Variants in PDE12 observed in about 807,000 individuals in gnomAD.
PDE12 encodes the protein phosphodiesterase 12.
Under a neutral mutation model 45.4 loss-of-function variants are expected in PDE12, and 26 were observed. That is an observed-to-expected ratio of 0.57 (90% CI 0.42 to 0.79). PDE12 has a LOEUF of 0.79. Ranked by LOEUF, PDE12 falls within the 30% of genes least tolerant of loss-of-function variation. The pLI, the probability that PDE12 is intolerant of heterozygous loss-of-function variation, is 0.00. For missense variants in PDE12, 668 were observed against 790.0 expected, an observed-to-expected ratio of 0.85 and a Z score of 1.85; for synonymous variants, 283 against 323.9, an observed-to-expected ratio of 0.87 and a Z score of 1.36.
chr3:57,568,925 C>G (rs1341298716), downstream of PDE12, among the ~76,000 whole-genome samples: 1 of 151,274 alleles, frequency 6.6e-6, no homozygotes, highest in Non-Finnish European at 1.5e-5. Flanking sequence ...CTATCCTCAA[C>G]TCTGATGCTG....
the PDE12 span, among the ~76,000 whole-genome samples, chr3:57,609,940 A>AT: frequency 4.1e-3 from 630 of 152,310 alleles, 5 homozygotes; most frequent in African/African-American, 0.015. Context: ...AAAAAAGAGA[A>AT]TTTTAGACCA....
chr3:57,609,115 C>A, the PDE12 span, among the ~76,000 whole-genome samples: 1 of 152,144 alleles, frequency 6.6e-6, no homozygotes, highest in African/African-American at 2.4e-5. Flanking sequence ...GGAAACTGAA[C>A]AACCTGCTCC....
chr3:57,621,576 A>G, the PDE12 span, among the ~76,000 whole-genome samples: 7 of 152,044 alleles, frequency 4.6e-5, no homozygotes, highest in Non-Finnish European at 1.0e-4. Context: ...AGGTTGAGGC[A>G]GGAGAATTGC....
the PDE12 span, among the ~76,000 whole-genome samples, chr3:57,590,930 T>G: frequency 2.0e-5 from 3 of 152,220 alleles, no homozygotes; most frequent in Non-Finnish European, 4.4e-5. Flanking sequence ...AATTTAAAAT[T>G]GAATATTTAC....
chr3:57,581,237 G>A, the PDE12 span, among the ~76,000 whole-genome samples: 15 of 152,300 alleles, frequency 9.8e-5, no homozygotes, highest in South Asian at 2.9e-3. Context: ...GATCAGTAAT[G>A]CTGGGAATGC....
the PDE12 span, among the ~76,000 whole-genome samples, chr3:57,619,267 G>A: frequency 6.6e-6 from 1 of 152,020 alleles, no homozygotes; most frequent in African/African-American, 2.4e-5. Flanking sequence ...AGAATGGTGT[G>A]AACCCAGGAG....
At chr3:57,574,911 C>A in the PDE12 span, among the ~76,000 whole-genome samples, 1 of 150,616 alleles carries the variant, frequency 6.6e-6, no homozygotes, top group East Asian at 2.0e-4. Flanking sequence ...TGCAGTGGCG[C>A]GATCGCGACT....
chr3:57,559,182 C>T (rs1466384102), intron 1 of PDE12, 128 bp from the exon 2 acceptor site: 12 of 704,754 alleles, frequency 1.7e-5, no homozygotes, highest in East Asian at 1.3e-4. Flanking sequence ...GATCGCGCTA[C>T]TGCACTCCAG....
chr3:57,570,216 AGT>A (rs1491452822), downstream of PDE12, among the ~76,000 whole-genome samples: 1 of 90,200 alleles, frequency 1.1e-5, no homozygotes, highest in African/African-American at 4.4e-5. Flanking sequence ...TGGTTAATCC[AGT>A]GTTTTTTTTT....
the PDE12 span, chr3:57,597,891 A>G: frequency 6.6e-6 from 1 of 152,286 alleles, no homozygotes; most frequent in African/African-American, 2.4e-5. Flanking sequence ...TGCGGAGAAA[A>G]GTGGTTAAAA....
the PDE12 span, among the ~76,000 whole-genome samples, chr3:57,578,973 TATAAC>T: frequency 6.6e-6 from 1 of 152,112 alleles, no homozygotes; most frequent in Non-Finnish European, 1.5e-5. Flanking sequence ...TCATGTCACT[TATAAC>T]AGATTGTCTT....
At chr3:57,639,345 C>T in the PDE12 span, among the ~76,000 whole-genome samples, 1 of 152,182 alleles carries the variant, frequency 6.6e-6, no homozygotes, top group Non-Finnish European at 1.5e-5. Context: ...CTTTGGCAAA[C>T]AGTTTGGTGA....
In PDE12 at chr3:57,563,023, T is replaced by C. The variant is rs2069742999; in HGVS notation, c.*3019T>C. 1 of 152,186 alleles carries C rather than the reference T, an allele frequency of 6.6e-6. No homozygotes were observed. Among genetic ancestry groups the C allele is most frequent in the South Asian group, 2.1e-4 (1 of 4,832 alleles). 9.4% of individuals were successfully genotyped at this position (152,186 alleles called of 1,614,324 possible). A position where few individuals can be genotyped will look rare whatever the true frequency, so the allele number is the denominator to read the frequency against. On this transcript the variant is annotated 3_prime_UTR_variant, in exon 3 of 3. Transcript: ENST00000311180. The stretch of plus-strand genomic sequence containing the variant: ...GTTCTTACGATGGAAATTGACATCT[T>C]TTGTATCTCATTCTCCAGCCGTGAA...
At chr3:57,621,186 T>G in the PDE12 span, among the ~76,000 whole-genome samples, 109 of 152,254 alleles carry the variant, frequency 7.2e-4, 1 homozygote, top group South Asian at 0.011. Context: ...AACTGAATTC[T>G]GACAAAGGTA....
the PDE12 span, among the ~76,000 whole-genome samples, chr3:57,580,759 C>A: frequency 6.6e-6 from 1 of 150,460 alleles, no homozygotes; most frequent in Admixed American, 6.8e-5. Context: ...TGACTGCTAA[C>A]TTCCCATTTT....
the PDE12 span, among the ~76,000 whole-genome samples, chr3:57,601,266 C>A: frequency 6.6e-6 from 1 of 152,020 alleles, no homozygotes; most frequent in African/African-American, 2.4e-5. Flanking sequence ...CATGCCACTG[C>A]GCCCGGCTAA....
At chr3:57,612,033 C>G in the PDE12 span, among the ~76,000 whole-genome samples, 1 of 151,960 alleles carries the variant, frequency 6.6e-6, no homozygotes, top group African/African-American at 2.4e-5. Context: ...AAATGTGGCA[C>G]ATATACACCA....
At chr3:57,652,043 T>C in the PDE12 span, among the ~76,000 whole-genome samples, 2 of 151,838 alleles carry the variant, frequency 1.3e-5, no homozygotes, top group Admixed American at 1.3e-4. Context: ...ACAAAAATAA[T>C]AAAATAAAAA....
rs946960320 is a variant in PDE12 at position 57,562,876 on chromosome 3, G to A, written c.*2872G>A. The A allele has an allele frequency of 6.6e-6, 1 of 152,144 alleles. No individual in the cohort carries two copies. Among genetic ancestry groups the A allele is most frequent in the African/African-American group, 2.4e-5 (1 of 41,432 alleles). 9.4% of individuals were successfully genotyped at this position (152,144 alleles called of 1,614,324 possible). ...TTCAAAATTTCAAGAATTCCACTGA[G>A]TAGTGATTTTTCTGAGTACTAAGCT... On this transcript the variant is annotated 3_prime_UTR_variant, in exon 3 of 3. Transcript: ENST00000311180.
Sources: gnomAD v4.1 joint callset for allele counts (sites outside exome capture counted in the v4.1 genomes callset) on GRCh38, gnomAD v4.1.1 for gene constraint, MANE v1.5 for transcripts, NCBI Gene and HGNC (gene_info 2026-07-23, HGNC 2026-07-21) for gene names.